The following PCDHGA9 variants were observed in gnomAD, a reference collection of about 807,000 sequenced individuals.
The protein encoded by PCDHGA9 is protocadherin gamma subfamily A, 9, also known as protocadherin gamma-A9.
A neutral mutation model predicts 62.5 loss-of-function variants in PCDHGA9; 37 were observed. The observed-to-expected ratio is 0.59, with a 90% CI of 0.46 to 0.78. The LOEUF (loss-of-function observed/expected upper bound fraction) is 0.78. Ranked by LOEUF, PCDHGA9 falls within the 30% of genes least tolerant of loss-of-function variation. The pLI, the probability that PCDHGA9 is intolerant of heterozygous loss-of-function variation, is 0.00. For synonymous variants in PCDHGA9, 459 were observed against 484.6 expected (o/e 0.95, Z 0.69); for missense variants, 1,138 against 1,166.2 (o/e 0.98, Z 0.35).
chr5:141,414,263 A>G, intron 1 of PCDHGA9: 1 of 1,613,500 alleles, frequency 6.2e-7, no homozygotes, highest in Non-Finnish European at 8.5e-7. Flanking sequence ...GTGACTGAAG[A>G]TTCACCTCTG....
Position 141,431,711 on chromosome 5 carries a change from G to T in PCDHGA9, c.2424+26335G>T. On this transcript the variant is annotated intron_variant, in intron 1 of 3. Coordinates refer to ENST00000573521, the MANE Select transcript of PCDHGA9 (RefSeq NM_018921.3). This position sits in a 1 kb window ranked among gnomAD's most constrained non-coding sequence, Gnocchi z 4.8. ...CGAGGAGTCAGGATTCTACCAGATG[G>T]AAGTGCAAGCAATGGATAATGCAGG... 1 of 1,614,230 alleles carries T rather than the reference G, an allele frequency of 6.2e-7. No homozygotes were observed. The highest frequency in any genetic ancestry group is 1.1e-5 in the South Asian group (1 of 91,092).
chr5:141,418,941 C>T, intron 1 of PCDHGA9: 1 of 1,614,034 alleles, frequency 6.2e-7, no homozygotes, highest in Non-Finnish European at 8.5e-7. Context: ...GAGGATTCCC[C>T]TCCAGGAGTG....
At chr5:141,506,084 C>T (rs1426222889) in intron 3 of PCDHGA9, among the ~76,000 whole-genome samples, 8 of 152,068 alleles carry the variant, frequency 5.3e-5, no homozygotes, top group African/African-American at 1.9e-4. Flanking sequence ...AATAGAGATT[C>T]GGCTAGTGGT....
chr5:141,488,656 G>A (rs2099678001), intron 1 of PCDHGA9, among the ~76,000 whole-genome samples: 1 of 152,200 alleles, frequency 6.6e-6, no homozygotes, highest in African/African-American at 2.4e-5. Flanking sequence ...ATGGGGGAGG[G>A]TGGGGGAATA....
chr5:141,427,717 A>G (rs1038823851), intron 1 of PCDHGA9: 20 of 1,076,234 alleles, frequency 1.9e-5, no homozygotes, highest in African/African-American at 1.1e-4. Context: ...TCTGACCTGG[A>G]CCTAGGGCTG....
At chr5:141,417,941 A>T (rs1319967892) in intron 1 of PCDHGA9, 1 of 1,612,890 alleles carries the variant, frequency 6.2e-7, no homozygotes, top group South Asian at 1.1e-5. Context: ...GTTCTACCCC[A>T]CGCTGTGTGA....
Position 141,490,008 on chromosome 5 carries a change from C to T in PCDHGA9, c.2425-4799C>T. 6.2e-7 allele frequency: 1 copy of T among 1,614,230 alleles called. No homozygotes were observed. ...GTGTGGGAATCCCAGAGAATGCACC[C>T]ATTGGTACTCTGCTGCTCCGCCTCA... On this transcript the variant is annotated intron_variant, in intron 1 of 3. Transcript: ENST00000573521. This position sits in a 1 kb window ranked among gnomAD's most constrained non-coding sequence, Gnocchi z 5.4.
Position 141,485,181 on chromosome 5 carries a change from G to C in PCDHGA9, c.2425-9626G>C. 1 of 1,612,942 alleles carries C rather than the reference G, an allele frequency of 6.2e-7. No individual in the cohort carries two copies. Among genetic ancestry groups the C allele is most frequent in the East Asian group, 2.2e-5 (1 of 44,868 alleles). On this transcript the variant is annotated intron_variant, in intron 1 of 3. Transcript: ENST00000573521. This position sits in a 1 kb window ranked among gnomAD's most constrained non-coding sequence, Gnocchi z 5.7. ...AATTAGCGGGCGGCAGCAATGCTCC[G>C]CAAGGTGAGAAGCTGGACAGAAATC...
intron 1 of PCDHGA9, among the ~76,000 whole-genome samples, chr5:141,459,747 A>G (rs553965181): frequency 3.2e-4 from 48 of 152,318 alleles, no homozygotes; most frequent in African/African-American, 1.1e-3. Flanking sequence ...AATTTTAGCA[A>G]TTCTAGTGGG....
In PCDHGA9 at chr5:141,403,986, C is replaced by T; in HGVS notation, c.1034C>T (p.Pro345Leu). ...GTGGAAGATGTAAATGACAATAGAC[C>T]TGAAGTGACCATTACATCTCTGTTT... ...ISVEDVNDNR[P>L]EVTITSLFSP... is the part of the protein sequence containing the mutation. The change falls in exon 1 of 4, where the codon CCT becomes CTT. Residue 345 changes from proline to leucine, a missense_variant. Physicochemically the swap from Pro to Leu is moderately conservative, Grantham distance 98. Coordinates refer to ENST00000573521, the MANE Select transcript of PCDHGA9 (RefSeq NM_018921.3). The T allele has an allele frequency of 6.2e-7, 1 of 1,613,704 alleles. No homozygotes were observed. Among genetic ancestry groups the T allele is most frequent in the Non-Finnish European group, 8.5e-7 (1 of 1,179,770 alleles).
Position 141,476,646 on chromosome 5 carries a change from A to G in PCDHGA9, c.2425-18161A>G, listed in dbSNP as rs771366262. 1.9e-6 allele frequency: 3 copies of G among 1,614,132 alleles called. No homozygotes were observed. The highest frequency in any genetic ancestry group is 1.7e-5 in the Admixed American group (1 of 60,010). ...TTACAAACCTATGAGCTGAGCCGAA[A>G]TGAATACTTTGCGCTTCGCGTGCAG... On this transcript the variant is annotated intron_variant, in intron 1 of 3. Transcript: ENST00000573521. This position sits in a 1 kb window ranked among gnomAD's most constrained non-coding sequence, Gnocchi z 7.6.
chr5:141,408,105 G>A (rs566753835), intron 1 of PCDHGA9: 22 of 1,439,788 alleles, frequency 1.5e-5, no homozygotes, highest in Admixed American at 8.2e-5. Context: ...TCCGAGACCC[G>A]GGACTCCTCC....
chr5:141,421,272 G>A, intron 1 of PCDHGA9: 1 of 1,612,340 alleles, frequency 6.2e-7, no homozygotes, highest in Non-Finnish European at 8.5e-7. Context: ...GGCTGCTGCT[G>A]CTGCTGTGCA....
rs1004089667 is a variant in PCDHGA9, at chr5:141,497,399, C to G, written c.2483+2534C>G. The stretch of plus-strand genomic sequence containing the variant: ...TGGGGTGAGCACCTTACCCCTGCCT[C>G]AACTCCCATTCCATCAAATGAGAGG... On this transcript the variant is annotated intron_variant, in intron 2 of 3. Coordinates refer to ENST00000573521, the MANE Select transcript of PCDHGA9 (RefSeq NM_018921.3). Among the ~76,000 whole-genome samples the G allele has an allele frequency of 5.9e-5, 9 of 152,146 alleles. 1 individual carries two copies. The highest frequency in any genetic ancestry group is 1.2e-4 in the Non-Finnish European group (8 of 68,034).
intron 1 of PCDHGA9, chr5:141,408,161 C>T: frequency 2.0e-6 from 3 of 1,517,698 alleles, no homozygotes; most frequent in Non-Finnish European, 2.7e-6. Context: ...TGCACTTTCT[C>T]CAACTGGAAA....
chr5:141,478,607 A>T (rs892000536), intron 1 of PCDHGA9: 1 of 1,560,800 alleles, frequency 6.4e-7, no homozygotes, highest in Non-Finnish European at 8.7e-7. Context: ...CATCATATTG[A>T]GGAAGGAATG....
chr5:141,501,328 CACACA>C (rs1562200832), intron 2 of PCDHGA9, among the ~76,000 whole-genome samples: 17 of 151,710 alleles, frequency 1.1e-4, no homozygotes, highest in African/African-American at 1.9e-4. Context: ...CACACACACA[CACACA>C]CCCCAAACTC....
intron 1 of PCDHGA9, chr5:141,424,133 T>C: frequency 2.2e-6 from 1 of 450,350 alleles, no homozygotes; most frequent in South Asian, 9.6e-5. Flanking sequence ...GTTGATTTAA[T>C]AGCATGCTCC....
intron 1 of PCDHGA9, chr5:141,419,448 TC>T: frequency 6.2e-7 from 1 of 1,612,980 alleles, no homozygotes; most frequent in Non-Finnish European, 8.5e-7. Context: ...ACCTTCGAGC[TC>T]ACGCTGCAGG....
Sources: allele counts gnomAD v4.1 joint callset (sites outside exome capture counted in the v4.1 genomes callset), GRCh38; gene constraint gnomAD v4.1.1; non-coding constraint Gnocchi (gnomAD v3.1); transcripts MANE v1.5; gene names NCBI Gene and HGNC (gene_info 2026-07-23, HGNC 2026-07-21).